Variants in DGAT2L6 observed in about 807,000 individuals in gnomAD.
The protein encoded by DGAT2L6 is diacylglycerol O-acyltransferase 2 like 6.
In DGAT2L6, 22 loss-of-function variants were observed where a neutral mutation model predicts 25.5. The ratio of observed to expected loss-of-function variants is 0.86; its 90% confidence interval spans 0.62 to 1.23. The LOEUF is 1.23. DGAT2L6 is among the 50% of genes most tolerant of loss of function. DGAT2L6 has a pLI of 0.00. For synonymous variants in DGAT2L6, 100 were observed against 94.7 expected (o/e 1.06, Z -0.32); for missense variants, 287 against 253.2 (o/e 1.13, Z -0.91).
At chrX:70,194,719 G>T (rs2085385568) in intron 1 of DGAT2L6, among the ~76,000 whole-genome samples, 1 of 111,845 alleles carries the variant, frequency 8.9e-6, no homozygotes, top group African/African-American at 3.2e-5. Context: ...CTTACCTTAT[G>T]ACATACACAA....
In DGAT2L6 at chrX:70,195,505, A is replaced by G. The variant is rs187003715; in HGVS notation, c.86-3766A>G. On this transcript the variant is annotated intron_variant, in intron 1 of 6. Transcript: ENST00000333026. ...ACACACACGAATATTATTCAGCCATAAAAAGGAGATCCTGCCATTTGCAAT... is the reference window on the plus strand; with the variant it reads ...ACACACACGAATATTATTCAGCCATGAAAAGGAGATCCTGCCATTTGCAAT... Among the ~76,000 whole-genome samples, 356 of 111,162 alleles carry G rather than the reference A, an allele frequency of 3.2e-3. 3 individuals are homozygous for G. The highest frequency in any genetic ancestry group is 0.011 in the African/African-American group (344 of 30,614).
In DGAT2L6 at chrX:70,199,889, ACT is replaced by A. The variant is rs750491748; in HGVS notation, c.267+10_267+11del. The stretch of plus-strand genomic sequence containing the variant: ...AAATTACTTCCCAGTAAAGGTGACC[ACT>A]CTTCCTCGGGGTGCCCTCAGTCCCT... On this transcript the variant is annotated splice_region_variant and intron_variant, in intron 3 of 6. Transcript: ENST00000333026. 11 of 1,203,777 alleles carry A rather than the reference ACT, an allele frequency of 9.1e-6. No homozygotes were observed. Among genetic ancestry groups the A allele is most frequent in the Admixed American group, 8.8e-5 (4 of 45,442 alleles).
At position 70,200,447 on chromosome X, in the gene DGAT2L6, G is replaced by C. The variant is rs201886685; in HGVS notation, c.460G>C (p.Val154Leu). Reference protein sequence around the residue: ...IFWIPIVREYVMSMGVCPVSS... With the variant: ...IFWIPIVREYLMSMGVCPVSS... ...TTGGATCCCAATTGTGCGAGAATAT[G>C]TGATGTCAATGGGTGAGTATAAGAA... The change falls in exon 4 of 7, where the codon GTG (valine) becomes CTG (leucine). Residue 154 changes from valine (V) to leucine (L), a missense_variant. Physicochemically the swap from Val to Leu is conservative, Grantham distance 32. Transcript: ENST00000333026. 6 of 1,208,778 alleles carry C rather than the reference G, an allele frequency of 5.0e-6. No homozygotes were observed. The African/African-American group carries it at 1.0e-4, about 21-fold the overall frequency.
In DGAT2L6 at chrX:70,205,200, G is replaced by T. The variant is rs775959838; in HGVS notation, c.*94G>T. Reference sequence around the variant, plus strand: ...AAGAATTCCAGGAGAGGGAAAGATCGTAAGGATGAGAGAGGAGACCATCCA... The same window carrying T: ...AAGAATTCCAGGAGAGGGAAAGATCTTAAGGATGAGAGAGGAGACCATCCA... On this transcript the variant is annotated 3_prime_UTR_variant, in exon 7 of 7. Transcript: ENST00000333026. The T allele has an allele frequency of 2.0e-6, 2 of 976,655 alleles. No homozygotes were observed. The highest frequency in any genetic ancestry group is 3.5e-5 in the East Asian group (1 of 28,791). 80.5% of individuals were successfully genotyped at this position (976,655 alleles called of 1,213,427 possible).
intron 1 of DGAT2L6, among the ~76,000 whole-genome samples, chrX:70,196,503 G>A (rs12557961): frequency 0.016 from 1,081 of 69,510 alleles, 13 homozygotes; most frequent in Non-Finnish European, 0.023. Context: ...AAAAAAAAAA[G>A]AAAGAAAAAA....
intron 1 of DGAT2L6, among the ~76,000 whole-genome samples, chrX:70,188,976 CAAAAA>C (rs200306182): frequency 4.7e-5 from 2 of 42,319 alleles, no homozygotes; most frequent in Non-Finnish European, 9.7e-5. Flanking sequence ...AGGGCATCTA[CAAAAA>C]AAAAAAAAAA....
intron 1 of DGAT2L6, 53 bp from the exon 2 acceptor site, chrX:70,199,218 T>C: frequency 1.2e-6 from 1 of 831,344 alleles, no homozygotes; most frequent in Non-Finnish European, 1.7e-6. Flanking sequence ...TTATGAGAAG[T>C]ATACTAAAAC....
intron 1 of DGAT2L6, among the ~76,000 whole-genome samples, chrX:70,179,001 A>T (rs1180805272): frequency 8.9e-6 from 1 of 112,422 alleles, no homozygotes; most frequent in African/African-American, 3.2e-5. Context: ...AGAAGCACAT[A>T]TGTTACTATA....
intron 1 of DGAT2L6, among the ~76,000 whole-genome samples, chrX:70,191,452 A>G (rs1372529314): frequency 4.5e-5 from 5 of 111,833 alleles, no homozygotes; most frequent in Admixed American, 2.8e-4. Flanking sequence ...AGGTAATTTG[A>G]AATTAGCCAA....
chrX:70,179,432 G>A (rs1176932117), intron 1 of DGAT2L6, among the ~76,000 whole-genome samples: 3 of 110,782 alleles, frequency 2.7e-5, no homozygotes, highest in African/African-American at 9.9e-5. Flanking sequence ...TGTCAAATCC[G>A]GGTCCCAGAA....
At chrX:70,181,028 C>A (rs1231241255) in intron 1 of DGAT2L6, among the ~76,000 whole-genome samples, 1 of 112,257 alleles carries the variant, frequency 8.9e-6, no homozygotes, top group Non-Finnish European at 1.9e-5. Context: ...ACAAACATCT[C>A]TTTGAGACTC....
intron 1 of DGAT2L6, among the ~76,000 whole-genome samples, chrX:70,178,421 G>A (rs2085333368): frequency 9.0e-6 from 1 of 111,234 alleles, no homozygotes; most frequent in Non-Finnish European, 1.9e-5. Context: ...TCCCACCCAA[G>A]GCTCTTCTGA....
intron 1 of DGAT2L6, among the ~76,000 whole-genome samples, chrX:70,178,477 G>A (rs778205615): frequency 9.0e-6 from 1 of 111,020 alleles, no homozygotes; most frequent in East Asian, 2.8e-4. Flanking sequence ...CACTCTTGTC[G>A]CCCAGGCTGG....
chrX:70,201,788 A>G, intron 4 of DGAT2L6, 102 bp from the exon 5 acceptor site: 1 of 928,680 alleles, frequency 1.1e-6, no homozygotes. Flanking sequence ...AGCAATAGTC[A>G]GAAAACAGAA....
chrX:70,202,707 A>T (rs2085415028), intron 5 of DGAT2L6, among the ~76,000 whole-genome samples: 1 of 111,437 alleles, frequency 9.0e-6, no homozygotes, highest in South Asian at 3.8e-4. Flanking sequence ...GGTTGATTAC[A>T]ACACTTCTAA....
In DGAT2L6 at chrX:70,198,534, G is replaced by GTTTGTTTTGT. The variant is rs760710813; in HGVS notation, c.86-723_86-714dup. 6.4e-5 allele frequency among the ~76,000 whole-genome samples: 7 copies of GTTTGTTTTGT among 109,831 alleles called. No homozygotes were observed. In the South Asian group the frequency reaches 1.6e-3, roughly 25 times the overall value. On this transcript the variant is annotated intron_variant, in intron 1 of 6. Coordinates refer to ENST00000333026, the MANE Select transcript of DGAT2L6 (RefSeq NM_198512.3). Reference sequence around the variant, plus strand: ...GGGCAGTTTTGTTGTTGTTGTTGTTGTTTGTTTTGTTTTGTTTTGTTTTTT... The same window carrying GTTTGTTTTGT: ...GGGCAGTTTTGTTGTTGTTGTTGTTGTTTGTTTTGTTTTGTTTTGTTTTGTTTTGTTTTTT...
At chrX:70,178,812 C>T (rs1036388320) in intron 1 of DGAT2L6, among the ~76,000 whole-genome samples, 4 of 112,098 alleles carry the variant, frequency 3.6e-5, no homozygotes, top group African/African-American at 6.5e-5. Flanking sequence ...TGAATGTAGG[C>T]AATAAACCAC....
chrX:70,201,509 G>T (rs2085410389), intron 4 of DGAT2L6, among the ~76,000 whole-genome samples: 1 of 111,463 alleles, frequency 9.0e-6, no homozygotes, highest in Admixed American at 9.5e-5. Flanking sequence ...ATTACCCCTG[G>T]AGGAGAGAAC....
chrX:70,193,018 T>C (rs774943635), intron 1 of DGAT2L6, among the ~76,000 whole-genome samples: 1 of 111,282 alleles, frequency 9.0e-6, no homozygotes, highest in Non-Finnish European at 1.9e-5. Context: ...AACAGATCAA[T>C]GACAAATGAA....
Sources: gnomAD v4.1 joint callset for allele counts (sites outside exome capture counted in the v4.1 genomes callset) on GRCh38, gnomAD v4.1.1 for gene constraint, MANE v1.5 for transcripts, NCBI Gene and HGNC (gene_info 2026-07-23, HGNC 2026-07-21) for gene names.